PREP: variants seen among roughly 807,000 people sequenced by gnomAD.
PREP encodes the protein dJ355L5.1 (prolyl endopeptidase).
In PREP, 29 loss-of-function variants were observed where a neutral mutation model predicts 87.6. The ratio of observed to expected loss-of-function variants is 0.33; its 90% CI spans 0.25 to 0.45. PREP has a LOEUF of 0.45. PREP is among the 20% of genes least tolerant of loss of function. The pLI is 1.00. For synonymous variants in PREP, 337 were observed against 328.6 expected (o/e 1.03, Z -0.28); for missense variants, 695 against 886.5 (o/e 0.78, Z 2.74).
intron 1 of PREP, among the ~76,000 whole-genome samples, chr6:105,400,494 G>A (rs1304813226): frequency 2.0e-5 from 3 of 152,100 alleles, no homozygotes; most frequent in African/African-American, 4.8e-5. Context: ...CATAGCTATG[G>A]CTTTACTTTA....
intron 6 of PREP, among the ~76,000 whole-genome samples, chr6:105,358,672 T>C (rs1772165043): frequency 6.6e-6 from 1 of 152,178 alleles, no homozygotes; most frequent in South Asian, 2.1e-4. Context: ...GGAGGAGCAC[T>C]CACCTCCAGG....
At position 105,306,034 on chromosome 6, in the gene PREP, G is replaced by A. The variant is rs540207923; in HGVS notation, c.1318-17140C>T. 3.9e-5 allele frequency among the ~76,000 whole-genome samples: 6 copies of A among 151,978 alleles called. No homozygotes were observed. The South Asian group carries it at 6.2e-4, about 16-fold the overall frequency. ...TTTTAAAATTTTTTGTAGAGATGGGGTCTCACCTATGTGTCCCAGGCTAGC... is the reference window on the plus strand; with the variant it reads ...TTTTAAAATTTTTTGTAGAGATGGGATCTCACCTATGTGTCCCAGGCTAGC... On this transcript the variant is annotated intron_variant, in intron 10 of 14. Transcript: ENST00000652536.
Position 105,326,204 on chromosome 6 carries a change from C to T in PREP, c.1214-2436G>A, listed in dbSNP as rs147498050. On this transcript the variant is annotated intron_variant, in intron 9 of 14. Coordinates refer to ENST00000652536, the MANE Select transcript of PREP (RefSeq NM_002726.5). The stretch of plus-strand genomic sequence containing the variant: ...TGAAAGGTTTTTCTATGATTTCTCA[C>T]CCCTGACTCCCAGAGCCATGCATAT... Among the ~76,000 whole-genome samples the T allele has an allele frequency of 2.4e-3, 373 of 152,280 alleles. 1 individual carries two copies. The highest frequency in any genetic ancestry group is 8.2e-4 in the Non-Finnish European group (56 of 68,018).
At chr6:105,401,202 CA>C (rs1227589702) in intron 1 of PREP, among the ~76,000 whole-genome samples, 20 of 152,136 alleles carry the variant, frequency 1.3e-4, no homozygotes, top group African/African-American at 4.8e-4. Context: ...CATAAATAAA[CA>C]AACTGTAGGA....
chr6:105,364,293 A>C (rs1772326931), intron 6 of PREP, among the ~76,000 whole-genome samples: 1 of 152,236 alleles, frequency 6.6e-6, no homozygotes, highest in Non-Finnish European at 1.5e-5. Flanking sequence ...ACACGCTGTC[A>C]CAGCGTGACG....
At chr6:105,295,768 C>T (rs948993519) in intron 10 of PREP, among the ~76,000 whole-genome samples, 4 of 152,172 alleles carry the variant, frequency 2.6e-5, no homozygotes, top group Non-Finnish European at 5.9e-5. Flanking sequence ...GATTCATTCT[C>T]TCTCCTCTTC....
intron 2 of PREP, among the ~76,000 whole-genome samples, chr6:105,396,890 T>C (rs1370063680): frequency 6.6e-6 from 1 of 151,896 alleles, no homozygotes; most frequent in Non-Finnish European, 1.5e-5. Context: ...CTACATAAAG[T>C]ACACATAAAT....
In PREP at chr6:105,395,518, G is replaced by A. The variant is rs114173490; in HGVS notation, c.120+2335C>T. ...ATGAAACAGGGAATGCAGAACTCCC[G>A]GTAAAGTGCCTGGCACATGGTAACC... is the stretch of plus-strand genomic sequence containing the variant. On this transcript the variant is annotated intron_variant, in intron 2 of 14. Transcript: ENST00000652536. Among the ~76,000 whole-genome samples the A allele has an allele frequency of 5.0e-3, 760 of 152,208 alleles. 6 individuals are homozygous for A. The highest frequency in any genetic ancestry group is 0.017 in the African/African-American group (703 of 41,504).
At chr6:105,311,362 A>T (rs1439637679) in intron 10 of PREP, among the ~76,000 whole-genome samples, 5 of 150,412 alleles carry the variant, frequency 3.3e-5, no homozygotes, top group Non-Finnish European at 5.9e-5. Flanking sequence ...CCCCTTACTC[A>T]CTGGGCTTCT....
Position 105,274,685 on chromosome 6 carries a change from G to A in PREP, c.*3459C>T, listed in dbSNP as rs111772455. Among the ~76,000 whole-genome samples, 10,228 of 152,100 alleles carry A rather than the reference G, an allele frequency of 0.067. 443 individuals are homozygous for A. Among genetic ancestry groups the A allele is most frequent in the Admixed American group, 0.12 (1,812 of 15,276 alleles). ...GGGAAGGCTGAGGCAGGAGAATCAC[G>A]TGAACCCAAGAGGTGGAGGTTGCAG... is the stretch of plus-strand genomic sequence containing the variant. On this transcript the variant is annotated 3_prime_UTR_variant, in exon 15 of 15. Coordinates refer to ENST00000652536, the MANE Select transcript of PREP (RefSeq NM_002726.5).
At chr6:105,317,094 T>C (rs1296238589) in intron 10 of PREP, among the ~76,000 whole-genome samples, 1 of 151,752 alleles carries the variant, frequency 6.6e-6, no homozygotes, top group Non-Finnish European at 1.5e-5. Flanking sequence ...TACAGTTGTA[T>C]ACCACCGTGC....
chr6:105,274,460 C>T lies in PREP; in HGVS notation c.*3684G>A, dbSNP rs1769895405. 6.6e-6 allele frequency among the ~76,000 whole-genome samples: 1 copy of T among 152,168 alleles called. No individual in the cohort carries two copies. The highest frequency in any genetic ancestry group is 2.4e-5 in the African/African-American group (1 of 41,440). Reference sequence around the variant, plus strand: ...TTCGGGGAGGACATAAACACTCAGACAACAGCAGTAAGAGAGCTGTTTCGG... The same window carrying T: ...TTCGGGGAGGACATAAACACTCAGATAACAGCAGTAAGAGAGCTGTTTCGG... On this transcript the variant is annotated 3_prime_UTR_variant, in exon 15 of 15. Coordinates refer to ENST00000652536, the MANE Select transcript of PREP (RefSeq NM_002726.5).
chr6:105,283,281 C>T (rs1192069374), intron 12 of PREP, among the ~76,000 whole-genome samples: 3 of 152,202 alleles, frequency 2.0e-5, no homozygotes, highest in Non-Finnish European at 4.4e-5. Flanking sequence ...ATCTGCAAAT[C>T]GTTCCAGTGT....
Position 105,400,250 on chromosome 6 carries a change from GATAAGGTACTGT to G in PREP, c.46-2335_46-2324del, listed in dbSNP as rs1409874419. 1.4e-4 allele frequency among the ~76,000 whole-genome samples: 21 copies of G among 152,198 alleles called. 1 individual carries two copies. In the East Asian group the frequency reaches 2.3e-3, roughly 17 times the overall value. On this transcript the variant is annotated intron_variant, in intron 1 of 14. Transcript: ENST00000652536. ...CAAGAAGCTTTAAAAATAGAGCCCT[GATAAGGTACTGT>G]ACTACTTAATCCTGTTCGATATTTT...
chr6:105,366,243 C>A (rs536494226), intron 6 of PREP, among the ~76,000 whole-genome samples: 2 of 152,030 alleles, frequency 1.3e-5, no homozygotes, highest in Non-Finnish European at 2.9e-5. Context: ...GGCGACAGAG[C>A]GAGACTCCAT....
intron 9 of PREP, 41 bp downstream of exon 9, chr6:105,328,788 C>G (rs771678087): frequency 1.9e-6 from 3 of 1,594,544 alleles, no homozygotes; most frequent in Admixed American, 1.7e-5. Flanking sequence ...AAACACCAGT[C>G]GGATTTTTAA....
chr6:105,338,963 C>A (rs1771555775), intron 7 of PREP, among the ~76,000 whole-genome samples: 2 of 152,360 alleles, frequency 1.3e-5, no homozygotes, highest in South Asian at 2.1e-4. Context: ...GGGGGCAGGG[C>A]ATAGCCGAAC....
chr6:105,389,109 G>A (rs560855431), intron 2 of PREP, among the ~76,000 whole-genome samples: 2 of 152,308 alleles, frequency 1.3e-5, no homozygotes, highest in Admixed American at 1.3e-4. Context: ...TTCTGACTAA[G>A]CAATTAGGAG....
intron 2 of PREP, among the ~76,000 whole-genome samples, chr6:105,388,816 G>A (rs1773067441): frequency 6.6e-6 from 1 of 152,196 alleles, no homozygotes; most frequent in Admixed American, 6.5e-5. Flanking sequence ...TATGGGACAT[G>A]AATGAATGGG....
Sources: gnomAD v4.1 joint callset for allele counts (sites outside exome capture counted in the v4.1 genomes callset) on GRCh38, gnomAD v4.1.1 for gene constraint, MANE v1.5 for transcripts, NCBI Gene and HGNC (gene_info 2026-07-23, HGNC 2026-07-21) for gene names.